The following DPP6 variants were observed in gnomAD, a reference collection of about 807,000 sequenced individuals.
The protein encoded by DPP6 is dipeptidyl peptidase like 6.
In DPP6, 69 loss-of-function variants were observed where a neutral mutation model predicts 122.6. The ratio of observed to expected loss-of-function variants is 0.56; its 90% CI spans 0.46 to 0.69. The LOEUF (loss-of-function observed/expected upper bound fraction) is 0.69, where lower values mean the gene tolerates loss of function less well. Among genes scored for constraint, DPP6 ranks in the 30% least tolerant of loss-of-function variants. DPP6 has a pLI of 0.00. For synonymous variants in DPP6, 418 were observed against 433.1 expected, an observed-to-expected ratio of 0.97 and a Z score of 0.43; for missense variants, 928 against 1,116.9, an observed-to-expected ratio of 0.83 and a Z score of 2.41.
At chr7:153,869,797 C>T in the DPP6 span, among the ~76,000 whole-genome samples, 1 of 152,062 alleles carries the variant, frequency 6.6e-6, no homozygotes, top group Admixed American at 6.6e-5. Context: ...ACTGGTTGTT[C>T]CTTTCCATTT....
chr7:154,536,662 G>C (rs1185526829), intron 3 of DPP6, among the ~76,000 whole-genome samples: 1 of 152,082 alleles, frequency 6.6e-6, no homozygotes, highest in African/African-American at 2.4e-5. Flanking sequence ...AAACTCATAA[G>C]GGAAAATTTC....
At chr7:154,488,405 C>T (rs1316599866) in intron 3 of DPP6, among the ~76,000 whole-genome samples, 4 of 151,588 alleles carry the variant, frequency 2.6e-5, no homozygotes, top group African/African-American at 4.9e-5. Context: ...GCCAAGATTG[C>T]GTCACTGCAC....
At chr7:154,876,237 C>G (rs1474165336) in intron 20 of DPP6, 137 bp downstream of exon 20, 2 of 1,309,462 alleles carry the variant, frequency 1.5e-6, no homozygotes, top group Non-Finnish European at 9.7e-7. Flanking sequence ...CCTAAAATCT[C>G]TTGGCCATTC....
At chr7:154,344,345 C>A (rs543616602) in intron 1 of DPP6, among the ~76,000 whole-genome samples, 2 of 152,202 alleles carry the variant, frequency 1.3e-5, no homozygotes, top group Admixed American at 1.3e-4. Context: ...CAGAGAAATG[C>A]AAATCAAAAC....
At chr7:154,538,334 C>T (rs999640703) in intron 3 of DPP6, among the ~76,000 whole-genome samples, 1 of 152,112 alleles carries the variant, frequency 6.6e-6, no homozygotes. Flanking sequence ...CACCTATCAA[C>T]CCATCACCTA....
chr7:154,032,916 T>C lies in DPP6; in HGVS notation c.51+145182T>C, dbSNP rs183877407. Among the ~76,000 whole-genome samples the C allele has an allele frequency of 4.4e-3, 645 of 147,524 alleles. 9 individuals are homozygous for C. The highest frequency in any genetic ancestry group is 0.014 in the South Asian group (62 of 4,480). Reference sequence around the variant, plus strand: ...TTCAGCCTTTTCAGGTGGCTTTATATACCTGTGACTGCCTTTAAAGGTGGC... The same window carrying C: ...TTCAGCCTTTTCAGGTGGCTTTATACACCTGTGACTGCCTTTAAAGGTGGC... On this transcript the variant is annotated intron_variant, in intron 1 of 25. Transcript: ENST00000404039.
intron 1 of DPP6, among the ~76,000 whole-genome samples, chr7:154,077,646 A>C (rs1033560905): frequency 2.0e-5 from 3 of 151,172 alleles, no homozygotes; most frequent in African/African-American, 7.3e-5. Flanking sequence ...AACCTTAAAT[A>C]GATTATAGAT....
chr7:154,892,700 C>A lies in DPP6; in HGVS notation c.*220C>A. 1 of 985,840 alleles carries A rather than the reference C, an allele frequency of 1.0e-6. No homozygotes were observed. Among genetic ancestry groups the A allele is most frequent in the Non-Finnish European group, 1.6e-6 (1 of 634,606 alleles). 61.1% of individuals were successfully genotyped at this position (985,840 alleles called of 1,614,324 possible). On this transcript the variant is annotated 3_prime_UTR_variant, in exon 26 of 26. Coordinates refer to ENST00000377770, the MANE Select transcript of DPP6 (RefSeq NM_130797.4). ...CCATGGCACCAGGGACAACGCTGTC[C>A]CCGCAGCAGCGCCTCCTCCCGGCGC...
chr7:154,185,453 T>C (rs774447259), intron 1 of DPP6, among the ~76,000 whole-genome samples: 23 of 152,168 alleles, frequency 1.5e-4, no homozygotes, highest in Admixed American at 2.6e-4. Flanking sequence ...GTTCCATCAG[T>C]GCTTAGGGTC....
chr7:154,178,892 G>T (rs1460863694), intron 1 of DPP6, among the ~76,000 whole-genome samples: 1 of 152,178 alleles, frequency 6.6e-6, no homozygotes, highest in Non-Finnish European at 1.5e-5. Flanking sequence ...AGATCTGGGT[G>T]CTGCTTCAAG....
intron 1 of DPP6, among the ~76,000 whole-genome samples, chr7:154,105,475 C>T (rs1226147020): frequency 1.3e-5 from 2 of 152,146 alleles, no homozygotes; most frequent in East Asian, 1.9e-4. Context: ...CAGCAGGCAC[C>T]CACCACAGCC....
intron 1 of DPP6, among the ~76,000 whole-genome samples, chr7:154,279,484 G>A (rs375186969): frequency 2.6e-5 from 4 of 152,198 alleles, no homozygotes; most frequent in Non-Finnish European, 2.9e-5. Flanking sequence ...CCTTGGAAGC[G>A]TGTCACTTGC....
chr7:153,771,642 C>G, the DPP6 span, among the ~76,000 whole-genome samples: 3 of 152,104 alleles, frequency 2.0e-5, no homozygotes, highest in African/African-American at 7.2e-5. Flanking sequence ...ACCTGGCCCC[C>G]CTGAAGTGAT....
intron 16 of DPP6, among the ~76,000 whole-genome samples, chr7:154,853,512 T>C (rs755219110): frequency 2.6e-5 from 4 of 152,234 alleles, no homozygotes; most frequent in Admixed American, 1.3e-4. Context: ...CATAGAATGA[T>C]GTTTTATGGC....
chr7:154,079,419 G>A (rs909099486), intron 1 of DPP6, among the ~76,000 whole-genome samples: 1 of 152,180 alleles, frequency 6.6e-6, no homozygotes, highest in Non-Finnish European at 1.5e-5. Context: ...TAAGTACTGC[G>A]TACTGCGCAA....
upstream of DPP6, among the ~76,000 whole-genome samples, chr7:153,885,935 G>A (rs146990847): frequency 2.0e-5 from 3 of 152,246 alleles, no homozygotes; most frequent in African/African-American, 2.4e-5. Context: ...TAACTTACAT[G>A]TAATTACAGT....
intron 2 of DPP6, among the ~76,000 whole-genome samples, chr7:154,474,467 G>A (rs1392319749): frequency 1.3e-5 from 2 of 152,194 alleles, no homozygotes; most frequent in African/African-American, 4.8e-5. Context: ...GACAGCCAGG[G>A]ACAAGTGAAG....
chr7:154,581,141 C>T (rs981941660), intron 5 of DPP6, among the ~76,000 whole-genome samples: 5 of 152,058 alleles, frequency 3.3e-5, no homozygotes, highest in Admixed American at 6.5e-5. Flanking sequence ...AACCTGTGTC[C>T]GCTGAATTGC....
chr7:154,037,009 C>G (rs1303146689), intron 1 of DPP6, among the ~76,000 whole-genome samples: 2 of 152,150 alleles, frequency 1.3e-5, no homozygotes, highest in African/African-American at 2.4e-5. Flanking sequence ...GAATAATATT[C>G]ACAACTACAA....
Sources: gnomAD v4.1 joint callset for allele counts (sites outside exome capture counted in the v4.1 genomes callset) on GRCh38, gnomAD v4.1.1 for gene constraint, MANE v1.5 for transcripts, NCBI Gene and HGNC (gene_info 2026-07-23, HGNC 2026-07-21) for gene names.